The following WWC2 variants were observed in gnomAD, a reference collection of about 807,000 sequenced individuals.
The protein encoded by WWC2 is protein WWC2.
A neutral mutation model predicts 138.5 loss-of-function variants in WWC2; 101 were observed. That is an observed-to-expected ratio of 0.73 (90% CI 0.62 to 0.86). WWC2 has a LOEUF of 0.86. Ranked by LOEUF, WWC2 falls within the 40% of genes least tolerant of loss-of-function variation. WWC2 has a pLI of 0.00. For missense variants in WWC2, 1,420 were observed against 1,419.4 expected (o/e 1.00, Z -0.01); for synonymous variants, 558 against 538.4 (o/e 1.04, Z -0.50).
intron 4 of WWC2, among the ~76,000 whole-genome samples, chr4:183,213,779 T>C (rs571880676): frequency 6.6e-6 from 1 of 152,242 alleles, no homozygotes; most frequent in South Asian, 2.1e-4. Context: ...CTTGAGAAAA[T>C]CTCAATAGCC....
At chr4:183,239,479 T>C (rs1736545599) in intron 4 of WWC2, among the ~76,000 whole-genome samples, 1 of 152,218 alleles carries the variant, frequency 6.6e-6, no homozygotes, top group Admixed American at 6.5e-5. Context: ...CCAAAGTATA[T>C]ATTTGACAAC....
intron 1 of WWC2, among the ~76,000 whole-genome samples, chr4:183,175,442 T>C (rs1417284407): frequency 6.6e-6 from 1 of 152,018 alleles, no homozygotes; most frequent in Admixed American, 6.5e-5. Flanking sequence ...TTTGTATTTT[T>C]TGTAGAGATG....
intron 21 of WWC2, among the ~76,000 whole-genome samples, chr4:183,311,544 A>G (rs1739241437): frequency 6.6e-6 from 1 of 151,318 alleles, no homozygotes; most frequent in Admixed American, 6.6e-5. Flanking sequence ...TTCAATTTGT[A>G]AAAGTTTTTT....
chr4:183,162,642 C>G (rs1733995480), intron 1 of WWC2, among the ~76,000 whole-genome samples: 1 of 151,442 alleles, frequency 6.6e-6, no homozygotes. Flanking sequence ...GCTGTCTTGA[C>G]AGCTGGTTTT....
chr4:183,233,573 G>T (rs1232376364), intron 4 of WWC2: 1 of 151,468 alleles, frequency 6.6e-6, no homozygotes. Context: ...TTTCTCATTG[G>T]CTTTTGTTTT....
chr4:183,141,269 C>T (rs760274858), intron 1 of WWC2, among the ~76,000 whole-genome samples: 22 of 152,142 alleles, frequency 1.4e-4, no homozygotes, highest in Non-Finnish European at 3.1e-4. Flanking sequence ...CAGAGACTGC[C>T]TTCTTGCTGT....
rs1226554682 is a variant in WWC2, at chr4:183,316,792, G to T, written c.*1063G>T. 1 of 152,144 alleles carries T rather than the reference G, an allele frequency of 6.6e-6. No individual in the cohort carries two copies. Among genetic ancestry groups the T allele is most frequent in the East Asian group, 1.9e-4 (1 of 5,200 alleles). 9.4% of individuals were successfully genotyped at this position (152,144 alleles called of 1,614,324 possible). ...ACTTCATAGCTCTCATTTTTAGGGG[G>T]TTCTATCTATAATTTATGGTAAATA... is the stretch of plus-strand genomic sequence containing the variant. On this transcript the variant is annotated 3_prime_UTR_variant, in exon 23 of 23. Coordinates refer to ENST00000403733, the MANE Select transcript of WWC2 (RefSeq NM_024949.6).
intron 1 of WWC2, among the ~76,000 whole-genome samples, chr4:183,173,350 C>T (rs1318761226): frequency 1.3e-5 from 2 of 152,048 alleles, no homozygotes; most frequent in African/African-American, 4.8e-5. Context: ...CCGTGCCTGG[C>T]CACATATTTT....
At chr4:183,178,886 T>G (rs1283719545) in intron 1 of WWC2, among the ~76,000 whole-genome samples, 1 of 152,186 alleles carries the variant, frequency 6.6e-6, no homozygotes, top group Non-Finnish European at 1.5e-5. Flanking sequence ...ACTTTATGAA[T>G]CTGTGTCTGA....
intron 1 of WWC2, among the ~76,000 whole-genome samples, chr4:183,186,913 A>T (rs1046599394): frequency 6.6e-6 from 1 of 152,218 alleles, no homozygotes; most frequent in African/African-American, 2.4e-5. Flanking sequence ...AGGTGCAGAC[A>T]TAACATGAAC....
In WWC2 at chr4:183,099,360, C is replaced by T. The variant is rs569351412; in HGVS notation, c.-132C>T. The T allele has an allele frequency of 2.1e-6, 2 of 973,428 alleles. No individual in the cohort carries two copies. The highest frequency in any genetic ancestry group is 2.6e-6 in the Non-Finnish European group (2 of 777,784). 60.3% of individuals were successfully genotyped at this position (973,428 alleles called of 1,614,324 possible). A position where few individuals can be genotyped will look rare whatever the true frequency, so the allele number is the denominator to read the frequency against. On this transcript the variant is annotated 5_prime_UTR_variant, in exon 1 of 23. Transcript: ENST00000403733. ...TCCCGCGCGTGGTTCCGCCGCGCCC[C>T]GCGCCCTGCGCCCCTCAGCCCCTCG...
intron 1 of WWC2, among the ~76,000 whole-genome samples, chr4:183,187,905 G>A (rs1305481732): frequency 1.3e-5 from 2 of 151,664 alleles, no homozygotes; most frequent in Non-Finnish European, 2.9e-5. Context: ...AAAAAAAAAA[G>A]AGACCAGAAA....
At chr4:183,236,287 T>A (rs965249258) in intron 4 of WWC2, among the ~76,000 whole-genome samples, 6 of 152,208 alleles carry the variant, frequency 3.9e-5, no homozygotes, top group Non-Finnish European at 7.3e-5. Context: ...TCAGACGAAT[T>A]AAATTTAAAG....
In WWC2 at chr4:183,319,809, A is replaced by T. The variant is rs1466668535; in HGVS notation, c.*4080A>T. On this transcript the variant is annotated 3_prime_UTR_variant, in exon 23 of 23. Transcript: ENST00000403733. The stretch of plus-strand genomic sequence containing the variant: ...AACCGTCTTGTGGGCAACCCAAGAG[A>T]CGGGAACCAGGGCTGTGACTCCCGA... The T allele has an allele frequency of 1.9e-6, 3 of 1,613,960 alleles. No individual in the cohort carries two copies. The African/African-American group carries it at 4.0e-5, about 22-fold the overall frequency.
intron 9 of WWC2, among the ~76,000 whole-genome samples, chr4:183,254,687 A>G (rs1356354108): frequency 6.6e-6 from 1 of 152,218 alleles, no homozygotes; most frequent in Non-Finnish European, 1.5e-5. Flanking sequence ...TTGATGGCAG[A>G]ATGGGTTGGA....
chr4:183,152,249 C>T (rs545705155), intron 1 of WWC2, among the ~76,000 whole-genome samples: 60 of 152,170 alleles, frequency 3.9e-4, no homozygotes, highest in Middle Eastern at 3.4e-3. Context: ...CCTGTAATCC[C>T]AGCACTTTGG....
intron 1 of WWC2, among the ~76,000 whole-genome samples, chr4:183,101,218 C>T (rs1000163621): frequency 1.3e-5 from 2 of 152,240 alleles, no homozygotes; most frequent in African/African-American, 4.8e-5. Context: ...ACATGCTTTA[C>T]TATATTATCT....
intron 16 of WWC2, among the ~76,000 whole-genome samples, chr4:183,277,306 G>T (rs2111394149): frequency 6.6e-6 from 1 of 151,506 alleles, no homozygotes; most frequent in East Asian, 1.9e-4. Context: ...CAAAGGACAT[G>T]AACTCATCAT....
chr4:183,224,908 A>G (rs1044399396), intron 4 of WWC2, among the ~76,000 whole-genome samples: 15 of 152,208 alleles, frequency 9.9e-5, no homozygotes, highest in African/African-American at 3.6e-4. Context: ...AGATTTAAAC[A>G]TAACTGACAT....
Sources: gnomAD v4.1 joint callset for allele counts (sites outside exome capture counted in the v4.1 genomes callset) on GRCh38, gnomAD v4.1.1 for gene constraint, MANE v1.5 for transcripts, NCBI Gene and HGNC (gene_info 2026-07-23, HGNC 2026-07-21) for gene names.